The following FOXP1 variants were observed in gnomAD, a reference collection of about 807,000 sequenced individuals.
FOXP1 encodes the protein forkhead box P1, also known as forkhead box protein P1.
FOXP1 carries 15 observed loss-of-function variants against 98.2 expected under a neutral mutation model. That is an observed-to-expected ratio of 0.15 (90% CI 0.10 to 0.24). The LOEUF is 0.24. Among genes scored for constraint, FOXP1 ranks in the 10% least tolerant of loss-of-function variants. The pLI is 1.00. For missense variants in FOXP1, 633 were observed against 848.5 expected, an observed-to-expected ratio of 0.75 and a Z score of 3.15; for synonymous variants, 371 against 314.5, an observed-to-expected ratio of 1.18 and a Z score of -1.90.
At chr3:71,297,021 T>C (rs552428013) in intron 5 of FOXP1, among the ~76,000 whole-genome samples, 1 of 152,290 alleles carries the variant, frequency 6.6e-6, no homozygotes, top group Non-Finnish European at 1.5e-5. Flanking sequence ...CCAAATAAAA[T>C]TCTTTTCTTT....
At chr3:71,539,783 T>C (rs1203816058) in intron 2 of FOXP1, among the ~76,000 whole-genome samples, 1 of 152,198 alleles carries the variant, frequency 6.6e-6, no homozygotes, top group Admixed American at 6.5e-5. Context: ...TAAGTTGGAA[T>C]TGTAGAAAGT....
rs185186146 is a variant in FOXP1 at position 71,364,482 on chromosome 3, A to G, written c.-167-5238T>C. Among the ~76,000 whole-genome samples the G allele has an allele frequency of 1.5e-4, 23 of 152,360 alleles. 1 individual carries two copies. In the East Asian group the frequency reaches 4.0e-3, roughly 27 times the overall value. On this transcript the variant is annotated intron_variant, in intron 3 of 20. Transcript: ENST00000649528. ...AGTGAAATAAAACCAAATGCCACAG[A>G]ATATTGATCCAGTTGACAGTTTCCT...
intron 5 of FOXP1, among the ~76,000 whole-genome samples, chr3:71,259,734 T>A (rs1265107086): frequency 6.6e-6 from 1 of 152,206 alleles, no homozygotes; most frequent in African/African-American, 2.4e-5. Flanking sequence ...CTATCCATAT[T>A]AAGAGGAGGT....
At chr3:71,555,450 C>T (rs2107693770) in intron 2 of FOXP1, among the ~76,000 whole-genome samples, 1 of 152,342 alleles carries the variant, frequency 6.6e-6, no homozygotes, top group East Asian at 1.9e-4. Flanking sequence ...AGGAACTGCA[C>T]ATAGTCTCCT....
In FOXP1 at chr3:71,218,685, A is replaced by G. The variant is rs1158232430; in HGVS notation, c.-11-20293T>C. Among the ~76,000 whole-genome samples the G allele has an allele frequency of 2.0e-5, 3 of 152,302 alleles. No individual in the cohort carries two copies. In the East Asian group the frequency reaches 5.8e-4, roughly 29 times the overall value. ...TTGTGGAGCAAATATAACCCAGCCC[A>G]TCTGTAAACAAACGGGTGTGGCTGT... On this transcript the variant is annotated intron_variant, in intron 5 of 20. Coordinates refer to ENST00000649528, the MANE Select transcript of FOXP1 (RefSeq NM_001349338.3).
chr3:71,255,514 G>T (rs553828571), intron 5 of FOXP1, among the ~76,000 whole-genome samples: 2 of 151,926 alleles, frequency 1.3e-5, no homozygotes, highest in Middle Eastern at 3.4e-3. Context: ...TCTTCTTTTA[G>T]GCTAATAAAT....
chr3:71,345,052 T>A (rs961097108), intron 4 of FOXP1, among the ~76,000 whole-genome samples: 2 of 151,986 alleles, frequency 1.3e-5, no homozygotes, highest in African/African-American at 2.4e-5. Flanking sequence ...TCAAAGAAAA[T>A]ATTTGGGGAT....
intron 6 of FOXP1, among the ~76,000 whole-genome samples, chr3:71,168,385 C>G (rs2061488429): frequency 6.6e-6 from 1 of 151,840 alleles, no homozygotes; most frequent in South Asian, 2.1e-4. Context: ...TCTTTTTTCA[C>G]TATTATTAAA....
At chr3:71,005,209 T>C (rs2042609585) in intron 12 of FOXP1, among the ~76,000 whole-genome samples, 2 of 148,680 alleles carry the variant, frequency 1.3e-5, no homozygotes, top group African/African-American at 4.9e-5. Flanking sequence ...CATCAAAAAC[T>C]GGCAGCATCT....
chr3:70,973,835 G>GCCCCCCCCCCCCCCCCCCCCCCCCCC (rs56950015), intron 17 of FOXP1, among the ~76,000 whole-genome samples: 37 of 36,690 alleles, frequency 1.0e-3, no homozygotes, highest in Admixed American at 1.9e-3. Flanking sequence ...TTTGCACACC[G>GCCCCCCCCCCCCCCCCCCCCCCCCCC]CCCCCCCCCC....
intron 3 of FOXP1, among the ~76,000 whole-genome samples, chr3:71,370,222 C>T (rs572783713): frequency 1.3e-5 from 2 of 152,208 alleles, no homozygotes; most frequent in African/African-American, 4.8e-5. Flanking sequence ...AAAACCAAAA[C>T]AGGGCCAAAT....
chr3:71,363,907 G>A (rs1308469528), intron 3 of FOXP1, among the ~76,000 whole-genome samples: 4 of 152,102 alleles, frequency 2.6e-5, no homozygotes, highest in Non-Finnish European at 2.9e-5. Context: ...GATCGTGGGC[G>A]CAGAGATCCA....
At chr3:71,327,735 GTTCAA>G (rs1444926990) in intron 4 of FOXP1, among the ~76,000 whole-genome samples, 14 of 152,084 alleles carry the variant, frequency 9.2e-5, no homozygotes, top group Non-Finnish European at 4.4e-5. Flanking sequence ...GTAAAGGGTA[GTTCAA>G]TTCTATCACA....
chr3:71,567,623 G>C (rs1004946949), intron 2 of FOXP1, among the ~76,000 whole-genome samples: 4 of 152,120 alleles, frequency 2.6e-5, no homozygotes, highest in Admixed American at 2.0e-4. Context: ...CAGTGGTACC[G>C]CACGTCCATA....
intron 5 of FOXP1, among the ~76,000 whole-genome samples, chr3:71,272,229 G>C (rs1560219110): frequency 6.6e-6 from 1 of 152,162 alleles, no homozygotes. Flanking sequence ...ACCAATTATA[G>C]GAGAAGGAAG....
intron 5 of FOXP1, among the ~76,000 whole-genome samples, chr3:71,230,851 G>T (rs1251449725): frequency 2.0e-5 from 3 of 152,202 alleles, no homozygotes; most frequent in Non-Finnish European, 4.4e-5. Context: ...TAGGAGGGGG[G>T]TGGTGGCTTG....
chr3:71,242,053 C>T (rs1448698220), intron 5 of FOXP1, among the ~76,000 whole-genome samples: 1 of 152,162 alleles, frequency 6.6e-6, no homozygotes, highest in Non-Finnish European at 1.5e-5. Flanking sequence ...CAAAACAAGG[C>T]TTCGCTTATA....
intron 2 of FOXP1, among the ~76,000 whole-genome samples, chr3:71,493,920 T>C (rs890511063): frequency 3.5e-4 from 53 of 152,308 alleles, no homozygotes; most frequent in African/African-American, 1.3e-3. Context: ...CCCTATTAAG[T>C]TATGATCTTT....
chr3:71,279,920 G>A (rs570946782), intron 5 of FOXP1, among the ~76,000 whole-genome samples: 2 of 151,914 alleles, frequency 1.3e-5, no homozygotes, highest in South Asian at 2.1e-4. Context: ...TCAGGAGATC[G>A]AGACTATCCT....
Sources: allele counts gnomAD v4.1 joint callset (sites outside exome capture counted in the v4.1 genomes callset), GRCh38; gene constraint gnomAD v4.1.1; transcripts MANE v1.5; gene names NCBI Gene and HGNC (gene_info 2026-07-23, HGNC 2026-07-21).